Variants in CBL observed in about 807,000 individuals in gnomAD.
CBL encodes Cbl proto-oncogene, also known as E3 ubiquitin-protein ligase CBL.
A neutral mutation model predicts 96.9 loss-of-function variants in CBL; 45 were observed. The observed-to-expected ratio is 0.46, with a 90% confidence interval of 0.37 to 0.60. CBL has a LOEUF of 0.60. Ranked by LOEUF, CBL falls within the 20% of genes least tolerant of loss-of-function variation. CBL has a pLI of 0.00. For missense variants in CBL, 1,024 were observed against 1,143.5 expected (o/e 0.90, Z 1.51); for synonymous variants, 420 against 426.8 (o/e 0.98, Z 0.20).
chr11:119,277,777 G>T lies in CBL; in HGVS notation c.1028G>T (p.Arg343Leu). The T allele has an allele frequency of 1.2e-6, 2 of 1,613,606 alleles. No homozygotes were observed. Among genetic ancestry groups the T allele is most frequent in the Non-Finnish European group, 1.7e-6 (2 of 1,179,586 alleles). The change falls in exon 7 of 16, where the codon CGA becomes CTA. Residue 343 changes from arginine (R) to leucine (L), a missense_variant. Coordinates refer to ENST00000264033, the MANE Select transcript of CBL (RefSeq NM_005188.4). ...TACAGCTATTTGTTTCCTGATGGACGAAATCAGAATCCTGATCTGACTGGC... is the reference window on the plus strand; with the variant it reads ...TACAGCTATTTGTTTCCTGATGGACTAAATCAGAATCCTGATCTGACTGGC... ...REGFYLFPDG[R>L]NQNPDLTGLC...
At chr11:119,246,489 T>A (rs1432154737) in intron 2 of CBL, among the ~76,000 whole-genome samples, 1 of 151,436 alleles carries the variant, frequency 6.6e-6, no homozygotes, top group Non-Finnish European at 1.5e-5. Flanking sequence ...TCTTGCTCTG[T>A]TGCCCAGGCT....
rs558744623 is a variant in CBL, at chr11:119,301,479, A to C, written c.*1698A>C. The C allele has an allele frequency of 6.4e-6, 1 of 156,018 alleles. No individual in the cohort carries two copies. The highest frequency in any genetic ancestry group is 3.0e-4 in the South Asian group (1 of 3,360). The allele number at this position is 156,018 out of a possible 1,614,324, so 9.7% of individuals were successfully genotyped here. A position where few individuals can be genotyped will look rare whatever the true frequency, so the allele number is the denominator to read the frequency against. On this transcript the variant is annotated 3_prime_UTR_variant, in exon 16 of 16. Coordinates refer to ENST00000264033, the MANE Select transcript of CBL (RefSeq NM_005188.4). ...ATCTGTCTTCCTGAAAATCTAAATC[A>C]TGCTTTTGTCTTTAGATCTACACAG...
chr11:119,249,147 C>G (rs1345181484), intron 2 of CBL, among the ~76,000 whole-genome samples: 1 of 152,190 alleles, frequency 6.6e-6, no homozygotes, highest in Non-Finnish European at 1.5e-5. Flanking sequence ...CACCCATGTT[C>G]ATAGCAGCAG....
intron 3 of CBL, among the ~76,000 whole-genome samples, chr11:119,273,322 C>A (rs1201692763): frequency 6.6e-6 from 1 of 152,168 alleles, no homozygotes; most frequent in African/African-American, 2.4e-5. Flanking sequence ...AGTCCCAGCA[C>A]TTTAGGTGGC....
chr11:119,219,376 C>CAA (rs112712991), intron 1 of CBL, among the ~76,000 whole-genome samples: 58 of 124,250 alleles, frequency 4.7e-4, no homozygotes, highest in East Asian at 1.3e-3. Flanking sequence ...GACTCTGTCT[C>CAA]AAAAAAAAAA....
At chr11:119,250,463 C>T (rs1728176259) in intron 2 of CBL, among the ~76,000 whole-genome samples, 2 of 152,278 alleles carry the variant, frequency 1.3e-5, no homozygotes, top group Middle Eastern at 3.4e-3. Flanking sequence ...ACTGTGAACT[C>T]CAGATGCCTT....
intron 2 of CBL, among the ~76,000 whole-genome samples, chr11:119,269,038 C>G (rs892250632): frequency 6.6e-6 from 1 of 152,156 alleles, no homozygotes; most frequent in Non-Finnish European, 1.5e-5. Context: ...TAGGGTCCTG[C>G]GGAACACTGG....
chr11:119,277,741 T>G lies in CBL; in HGVS notation c.1008-16T>G. ...AATTGGCTTAAATAAAACCCAGGGT[T>G]GGTTACTCTTTACAGCTATTTGTTT... On this transcript the variant is annotated splice_polypyrimidine_tract_variant and intron_variant, in intron 6 of 15. Coordinates refer to ENST00000264033, the MANE Select transcript of CBL (RefSeq NM_005188.4). 1 of 1,592,378 alleles carries G rather than the reference T, an allele frequency of 6.3e-7. No individual in the cohort carries two copies. The highest frequency in any genetic ancestry group is 8.6e-7 in the Non-Finnish European group (1 of 1,160,136).
At chr11:119,249,464 A>T (rs1949654922) in intron 2 of CBL, among the ~76,000 whole-genome samples, 1 of 151,530 alleles carries the variant, frequency 6.6e-6, no homozygotes, top group African/African-American at 2.4e-5. Flanking sequence ...CTGAGGCAGG[A>T]GAACCGCTTG....
chr11:119,220,175 A>G (rs1949396940), intron 1 of CBL, among the ~76,000 whole-genome samples: 2 of 151,796 alleles, frequency 1.3e-5, no homozygotes, highest in Non-Finnish European at 2.9e-5. Flanking sequence ...TAATTTTTGT[A>G]TATTTAGTAG....
chr11:119,245,214 T>C (rs1949617338), intron 2 of CBL, among the ~76,000 whole-genome samples: 1 of 151,166 alleles, frequency 6.6e-6, no homozygotes. Context: ...CCTGCTTGTC[T>C]AGAGCTTTTT....
intron 3 of CBL, among the ~76,000 whole-genome samples, chr11:119,272,400 G>T (rs1282208076): frequency 1.3e-5 from 2 of 152,198 alleles, no homozygotes; most frequent in East Asian, 1.9e-4. Flanking sequence ...GATTACAGGC[G>T]TGAGCCACCA....
At position 119,262,451 on chromosome 11, in the gene CBL, A is replaced by C. The variant is rs187267546; in HGVS notation, c.444-9284A>C. 2.6e-5 allele frequency among the ~76,000 whole-genome samples: 4 copies of C among 152,338 alleles called. No homozygotes were observed. The East Asian group carries it at 7.7e-4, about 29-fold the overall frequency. On this transcript the variant is annotated intron_variant, in intron 2 of 15. Coordinates refer to ENST00000264033, the MANE Select transcript of CBL (RefSeq NM_005188.4). ...TAGTTTTGAAGAATGTCCCACAGTA[A>C]TATAAGATGGTAACATTAGGGGAAA... is the stretch of plus-strand genomic sequence containing the variant.
At chr11:119,287,279 G>A (rs910069425) in intron 11 of CBL, among the ~76,000 whole-genome samples, 4 of 152,220 alleles carry the variant, frequency 2.6e-5, no homozygotes, top group African/African-American at 4.8e-5. Context: ...CTGCATGCGC[G>A]TAAAAACGAA....
chr11:119,227,902 C>T (rs1176482931), intron 1 of CBL, among the ~76,000 whole-genome samples: 1 of 152,138 alleles, frequency 6.6e-6, no homozygotes, highest in South Asian at 2.1e-4. Flanking sequence ...TGCTTGATTC[C>T]TCTCACATTC....
rs1187865266 is a variant in CBL at position 119,298,388 on chromosome 11, A to G, written c.2282A>G (p.Asn761Ser). The G allele has an allele frequency of 1.2e-6, 2 of 1,614,230 alleles. No homozygotes were observed. The highest frequency in any genetic ancestry group is 2.2e-5 in the East Asian group (1 of 44,888). ...GEGNLAAAHA[N>S]TGPEESENED... is the part of the protein sequence containing the mutation. Reference sequence around the variant, plus strand: ...GGGAATTTGGCCGCAGCCCATGCCAACACTGGTCCCGAGGAGTCAGAAAAT... The same window carrying G: ...GGGAATTTGGCCGCAGCCCATGCCAGCACTGGTCCCGAGGAGTCAGAAAAT... The change falls in exon 15 of 16, where the codon AAC (asparagine) becomes AGC (serine). Residue 761 changes from asparagine (N) to serine (S), a missense_variant. By Grantham distance (46) the Asn-to-Ser change is conservative. Around this residue, in one of 4 missense-constraint regions of CBL, gnomAD observed 695 missense variants for 661.6 expected, o/e 1.05. Transcript: ENST00000264033.
intron 1 of CBL, among the ~76,000 whole-genome samples, chr11:119,216,137 T>C (rs1359519884): frequency 6.6e-6 from 1 of 152,198 alleles, no homozygotes; most frequent in Non-Finnish European, 1.5e-5. Context: ...GTCCCCTCTC[T>C]GCTGTCTTTG....
In CBL at chr11:119,273,900, C is replaced by A. The variant is rs2135298771; in HGVS notation, c.623C>A (p.Ala208Asp). 1 of 1,614,116 alleles carries A rather than the reference C, an allele frequency of 6.2e-7. No homozygotes were observed. The highest frequency in any genetic ancestry group is 1.1e-5 in the South Asian group (1 of 91,082). ...GTCCCTTGGAAGAGCTTTCGACAGG[C>A]TCTACATGAAGTGCATCCCATCAGT... ...TIVPWKSFRQ[A>D]LHEVHPISSG... Residue 208 changes from alanine to aspartate, a missense_variant, in exon 4 of 16, where the codon GCT becomes GAT. Transcript: ENST00000264033.
At chr11:119,243,531 T>C (rs1479582491) in intron 2 of CBL, among the ~76,000 whole-genome samples, 1 of 151,334 alleles carries the variant, frequency 6.6e-6, no homozygotes, top group Admixed American at 6.6e-5. Context: ...TTTTTTTTTT[T>C]TTGCTGATGA....
Sources: gnomAD v4.1 joint callset for allele counts (sites outside exome capture counted in the v4.1 genomes callset) on GRCh38, gnomAD v4.1.1 for gene constraint, gnomAD v4.1.1 regional missense constraint, MANE v1.5 for transcripts, NCBI Gene and HGNC (gene_info 2026-07-23, HGNC 2026-07-21) for gene names.